The following C22orf39 variants were observed in gnomAD, a reference collection of about 807,000 sequenced individuals.
C22orf39 encodes the protein synaptic plasticity regulator PANTS.
C22orf39 carries 20 observed loss-of-function variants against 18.3 expected under a neutral mutation model. That is an observed-to-expected ratio of 1.09 (90% CI 0.77 to 1.59). The LOEUF is 1.59. Among genes scored for constraint, C22orf39 ranks in the 40% most tolerant of loss-of-function variants. C22orf39 has a pLI of 0.00. For missense variants in C22orf39, 195 were observed against 156.1 expected, an observed-to-expected ratio of 1.25 and a Z score of -1.33; for synonymous variants, 63 against 59.6, an observed-to-expected ratio of 1.06 and a Z score of -0.26.
Position 19,444,245 on chromosome 22 carries a change from G to A in C22orf39, c.*20C>T, listed in dbSNP as rs1237879871. 6.4e-7 allele frequency: 1 copy of A among 1,571,034 alleles called. No individual in the cohort carries two copies. Reference sequence around the variant, plus strand: ...GAAACAGACTGAGGAAGCTGCACAGGCCAATGGCAGGGATGCTTGTCACTC... The same window carrying A: ...GAAACAGACTGAGGAAGCTGCACAGACCAATGGCAGGGATGCTTGTCACTC... On this transcript the variant is annotated 3_prime_UTR_variant, in exon 3 of 3. Coordinates refer to ENST00000399562, the MANE Select transcript of C22orf39 (RefSeq NM_173793.5).
chr22:19,441,768 A>G lies in C22orf39; in HGVS notation c.*2497T>C. The G allele has an allele frequency of 6.7e-7, 1 of 1,487,422 alleles. No homozygotes were observed. The highest frequency in any genetic ancestry group is 9.0e-7 in the Non-Finnish European group (1 of 1,114,240). 92.1% of individuals were successfully genotyped at this position (1,487,422 alleles called of 1,614,324 possible). ...CTTCATACCACCACCATAAAATACC[A>G]AACTGCTTCAGAAATTACCACCATT... On this transcript the variant is annotated 3_prime_UTR_variant, in exon 3 of 3. Coordinates refer to ENST00000399562, the MANE Select transcript of C22orf39 (RefSeq NM_173793.5).
At chr22:19,445,294 A>G (rs1412195821) in intron 2 of C22orf39, among the ~76,000 whole-genome samples, 1 of 152,134 alleles carries the variant, frequency 6.6e-6, no homozygotes, top group Non-Finnish European at 1.5e-5. Flanking sequence ...ACTAAACAAT[A>G]CACTGTAGGC....
In C22orf39 at chr22:19,441,634, T is replaced by C; in HGVS notation, c.*2631A>G. 7.6e-7 allele frequency: 1 copy of C among 1,316,106 alleles called. No individual in the cohort carries two copies. The highest frequency in any genetic ancestry group is 1.3e-5 in the South Asian group (1 of 79,020). 81.5% of individuals were successfully genotyped at this position (1,316,106 alleles called of 1,614,324 possible). ...ACCTCAAACTCCTATCCTCAAGTGA[T>C]TCTTCTGCCTCAGCCTCCCAAGTAG... On this transcript the variant is annotated 3_prime_UTR_variant, in exon 3 of 3. Coordinates refer to ENST00000399562, the MANE Select transcript of C22orf39 (RefSeq NM_173793.5).
Position 19,442,372 on chromosome 22 carries a change from CAG to C in C22orf39, c.*1891_*1892del, listed in dbSNP as rs2089617880. ...AGAGGCAGGACTTAATGCTTCCTAA[CAG>C]AGCATGCAGCCGCACAATGCATACC... On this transcript the variant is annotated 3_prime_UTR_variant, in exon 3 of 3. Coordinates refer to ENST00000399562, the MANE Select transcript of C22orf39 (RefSeq NM_173793.5). 1 of 152,294 alleles carries C rather than the reference CAG, an allele frequency of 6.6e-6. No individual in the cohort carries two copies. Among genetic ancestry groups the C allele is most frequent in the Non-Finnish European group, 1.5e-5 (1 of 68,132 alleles). The allele number at this position is 152,294 out of a possible 1,614,324, so 9.4% of individuals were successfully genotyped here. A position where few individuals can be genotyped will look rare whatever the true frequency, so the allele number is the denominator to read the frequency against.
rs558099553 is a variant in C22orf39, at chr22:19,447,549, C to T, written c.25-4G>A. ...AGGCCTCGCAGGGGCGCGGCGGCTG[C>T]GGCGAGAGGCGGCGCCTGAGCGGGG... On this transcript the variant is annotated splice_polypyrimidine_tract_variant and splice_region_variant and intron_variant, in intron 1 of 2. Coordinates refer to ENST00000399562, the MANE Select transcript of C22orf39 (RefSeq NM_173793.5). 1 of 1,416,240 alleles carries T rather than the reference C, an allele frequency of 7.1e-7. No individual in the cohort carries two copies. The highest frequency in any genetic ancestry group is 1.5e-5 in the African/African-American group (1 of 66,632). The allele number at this position is 1,416,240 out of a possible 1,614,324, so 87.7% of individuals were successfully genotyped here.
intron 2 of C22orf39, among the ~76,000 whole-genome samples, chr22:19,446,151 C>T (rs963160438): frequency 6.6e-6 from 1 of 152,064 alleles, no homozygotes; most frequent in Non-Finnish European, 1.5e-5. Flanking sequence ...TCTTTGTGTC[C>T]TTTGGCCATT....
At position 19,441,850 on chromosome 22, in the gene C22orf39, T is replaced by TG. The variant is rs2089614709; in HGVS notation, c.*2414dup. ...CTCTGTCACCCAGGTTGAAGTGCAGTGGGGCACAATCATGGCTCACTGCAG... is the reference window on the plus strand; with the variant it reads ...CTCTGTCACCCAGGTTGAAGTGCAGTGGGGGCACAATCATGGCTCACTGCAG... On this transcript the variant is annotated 3_prime_UTR_variant, in exon 3 of 3. Coordinates refer to ENST00000399562, the MANE Select transcript of C22orf39 (RefSeq NM_173793.5). The TG allele has an allele frequency of 1.1e-6, 1 of 937,128 alleles. No individual in the cohort carries two copies. The highest frequency in any genetic ancestry group is 1.5e-6 in the Non-Finnish European group (1 of 649,518). 58.1% of individuals were successfully genotyped at this position (937,128 alleles called of 1,614,324 possible). A position where few individuals can be genotyped will look rare whatever the true frequency, so the allele number is the denominator to read the frequency against.
intron 2 of C22orf39, among the ~76,000 whole-genome samples, chr22:19,447,049 G>A (rs2089644401): frequency 6.6e-6 from 1 of 152,086 alleles, no homozygotes. Context: ...TACCGGGGCT[G>A]GATGAAGGCT....
chr22:19,441,660 C>CT lies in C22orf39; in HGVS notation c.*2604dup. 2 of 1,491,802 alleles carry CT rather than the reference C, an allele frequency of 1.3e-6. No homozygotes were observed. The allele number at this position is 1,491,802 out of a possible 1,614,324, so 92.4% of individuals were successfully genotyped here. Reference sequence around the variant, plus strand: ...TCTTCTGCCTCAGCCTCCCAAGTAGCTGAGATTACAGGTGTGAGCCACCAC... The same window carrying CT: ...TCTTCTGCCTCAGCCTCCCAAGTAGCTTGAGATTACAGGTGTGAGCCACCAC... On this transcript the variant is annotated 3_prime_UTR_variant, in exon 3 of 3. Coordinates refer to ENST00000399562, the MANE Select transcript of C22orf39 (RefSeq NM_173793.5).
Position 19,444,281 on chromosome 22 carries a change from T to A in C22orf39, c.302A>T (p.Gln101Leu). 6.3e-7 allele frequency: 1 copy of A among 1,588,978 alleles called. No individual in the cohort carries two copies. Among genetic ancestry groups the A allele is most frequent in the Non-Finnish European group, 8.5e-7 (1 of 1,171,244 alleles). ...PPPDWHLPLP[Q>L]EKDE ...GGATGCTTGTCACTCGTCCTTCTCC[T>A]GTGGCAGAGGGAGATGCCAGTCTGG... Residue 101 changes from glutamine (Q) to leucine (L), a missense_variant, in exon 3 of 3, where the codon CAG becomes CTG. Gln to Leu is a moderately radical substitution (Grantham distance 113). Coordinates refer to ENST00000399562, the MANE Select transcript of C22orf39 (RefSeq NM_173793.5).
In C22orf39 at chr22:19,447,487, T is replaced by G. The variant is rs1253082646; in HGVS notation, c.83A>C (p.His28Pro). The G allele has an allele frequency of 6.7e-7, 1 of 1,501,936 alleles. No individual in the cohort carries two copies. Among genetic ancestry groups the G allele is most frequent in the Non-Finnish European group, 8.8e-7 (1 of 1,133,230 alleles). 93.0% of individuals were successfully genotyped at this position (1,501,936 alleles called of 1,614,324 possible). ...GTGGACGTAGTAGTGGTGTAGGAAG[T>G]GCCTGGCGCTGCGGCAGAGCTTCCA... ...AEWKLCRSAR[H>P]FLHHYYVHGE... The change falls in exon 2 of 3, where the codon CAC becomes CCC. Residue 28 changes from histidine to proline, a missense_variant. By Grantham distance (77) the His-to-Pro change is moderately conservative (BLOSUM62 -2). Transcript: ENST00000399562.
At position 19,443,102 on chromosome 22, in the gene C22orf39, T is replaced by G; in HGVS notation, c.*1163A>C. The G allele has an allele frequency of 1.4e-6, 1 of 726,360 alleles. No individual in the cohort carries two copies. The highest frequency in any genetic ancestry group is 1.7e-6 in the Non-Finnish European group (1 of 595,726). The allele number at this position is 726,360 out of a possible 1,614,324, so 45.0% of individuals were successfully genotyped here. A position where few individuals can be genotyped will look rare whatever the true frequency, so the allele number is the denominator to read the frequency against. ...CAACCCCCACCCCCACCCCCACTGTTCACAGACACAGGGGCTCTTAGGGAG... is the reference window on the plus strand; with the variant it reads ...CAACCCCCACCCCCACCCCCACTGTGCACAGACACAGGGGCTCTTAGGGAG... On this transcript the variant is annotated 3_prime_UTR_variant, in exon 3 of 3. Transcript: ENST00000399562.
In C22orf39 at chr22:19,443,894, C is replaced by T. The variant is rs1259182734; in HGVS notation, c.*371G>A. On this transcript the variant is annotated 3_prime_UTR_variant, in exon 3 of 3. Transcript: ENST00000399562. ...CAACTGTTTAGCTACCTCATTATGACCCACCTGTGTGTCCACACAGGTCAG... is the reference window on the plus strand; with the variant it reads ...CAACTGTTTAGCTACCTCATTATGATCCACCTGTGTGTCCACACAGGTCAG... 5 of 1,009,412 alleles carry T rather than the reference C, an allele frequency of 5.0e-6. No individual in the cohort carries two copies. Among genetic ancestry groups the T allele is most frequent in the Non-Finnish European group, 4.7e-6 (4 of 846,214 alleles). 62.5% of individuals were successfully genotyped at this position (1,009,412 alleles called of 1,614,324 possible).
chr22:19,441,890 G>T lies in C22orf39; in HGVS notation c.*2375C>A. On this transcript the variant is annotated 3_prime_UTR_variant, in exon 3 of 3. Coordinates refer to ENST00000399562, the MANE Select transcript of C22orf39 (RefSeq NM_173793.5). Reference sequence around the variant, plus strand: ...GCTCACTGCAGCCTCAAACTCCTGGGCTCAAACAATCCTCCTATCTCAGCC... The same window carrying T: ...GCTCACTGCAGCCTCAAACTCCTGGTCTCAAACAATCCTCCTATCTCAGCC... 1.7e-6 allele frequency: 1 copy of T among 595,732 alleles called. No individual in the cohort carries two copies. Among genetic ancestry groups the T allele is most frequent in the Non-Finnish European group, 2.8e-6 (1 of 357,506 alleles). 36.9% of individuals were successfully genotyped at this position (595,732 alleles called of 1,614,324 possible).
intron 2 of C22orf39, among the ~76,000 whole-genome samples, chr22:19,447,047 C>A (rs1329022954): frequency 6.6e-6 from 1 of 152,158 alleles, no homozygotes; most frequent in Non-Finnish European, 1.5e-5. Flanking sequence ...TCTACCGGGG[C>A]TGGATGAAGG....
intron 2 of C22orf39, among the ~76,000 whole-genome samples, chr22:19,445,042 C>G (rs2089633032): frequency 1.3e-5 from 2 of 152,326 alleles, no homozygotes; most frequent in South Asian, 2.1e-4. Flanking sequence ...ACACAGATAA[C>G]TTAATCTGTC....
intron 2 of C22orf39, among the ~76,000 whole-genome samples, chr22:19,446,166 C>T (rs1227798337): frequency 6.6e-6 from 1 of 152,088 alleles, no homozygotes; most frequent in Non-Finnish European, 1.5e-5. Context: ...GCCATTTTTC[C>T]ATTCTGAAAT....
Position 19,444,242 on chromosome 22 carries a change from C to T in C22orf39, c.*23G>A, listed in dbSNP as rs1225859454. 9 of 1,562,198 alleles carry T rather than the reference C, an allele frequency of 5.8e-6. No individual in the cohort carries two copies. Among genetic ancestry groups the T allele is most frequent in the Non-Finnish European group, 6.0e-6 (7 of 1,159,200 alleles). On this transcript the variant is annotated 3_prime_UTR_variant, in exon 3 of 3. Coordinates refer to ENST00000399562, the MANE Select transcript of C22orf39 (RefSeq NM_173793.5). ...CTTGAAACAGACTGAGGAAGCTGCACAGGCCAATGGCAGGGATGCTTGTCA... is the reference window on the plus strand; with the variant it reads ...CTTGAAACAGACTGAGGAAGCTGCATAGGCCAATGGCAGGGATGCTTGTCA...
chr22:19,445,759 C>T (rs1359305452), intron 2 of C22orf39, among the ~76,000 whole-genome samples: 6 of 152,124 alleles, frequency 3.9e-5, no homozygotes, highest in Admixed American at 6.5e-5. Flanking sequence ...ATTGCAACCT[C>T]CGCCTCCCAG....
Sources: gnomAD v4.1 joint callset for allele counts (sites outside exome capture counted in the v4.1 genomes callset) on GRCh38, gnomAD v4.1.1 for gene constraint, MANE v1.5 for transcripts, NCBI Gene and HGNC (gene_info 2026-07-23, HGNC 2026-07-21) for gene names.